The following CLCA2 variants were observed in gnomAD, a reference collection of about 807,000 sequenced individuals.
CLCA2 encodes the protein chloride channel accessory 2, also known as calcium-activated chloride channel regulator 2.
CLCA2 carries 85 observed loss-of-function variants against 82.9 expected under a neutral mutation model. That is an observed-to-expected ratio of 1.03 (90% CI 0.86 to 1.23). CLCA2 has a LOEUF of 1.23. Ranked by LOEUF, CLCA2 falls within the 50% of genes most tolerant of loss-of-function variation. The probability of loss-of-function intolerance (pLI) is 0.00; values close to 1 mark genes in which losing one functional copy is unlikely to be tolerated. For synonymous variants in CLCA2, 421 were observed against 391.7 expected (o/e 1.07, Z -0.88); for missense variants, 1,089 against 1,124.8 (o/e 0.97, Z 0.45).
In CLCA2 at chr1:86,425,423, G is replaced by A. The variant is rs946039768; in HGVS notation, c.271G>A (p.Ala91Thr). The change falls in exon 2 of 14, where the codon GCC (alanine) becomes ACC (threonine). Residue 91 changes from alanine (A) to threonine (T), a missense_variant. Coordinates refer to ENST00000370565, the MANE Select transcript of CLCA2 (RefSeq NM_006536.7). The stretch of plus-strand genomic sequence containing the variant: ...CAGAAATATAAAGATTTTAATACCT[G>A]CCACATGGAAAGCTAATAATAACAG... ...FFRNIKILIPATWKANNNSKI... is the reference protein window; with the variant it reads ...FFRNIKILIPTTWKANNNSKI... The A allele has an allele frequency of 4.5e-6, 7 of 1,567,822 alleles. No individual in the cohort carries two copies. In the African/African-American group the frequency reaches 6.8e-5, roughly 15 times the overall value.
chr1:86,453,614 C>T lies in CLCA2; in HGVS notation c.2389+12C>T. On this transcript the variant is annotated intron_variant, in intron 13 of 13. Coordinates refer to ENST00000370565, the MANE Select transcript of CLCA2 (RefSeq NM_006536.7). The stretch of plus-strand genomic sequence containing the variant: ...TGATCAGGGCCAGGGTAGGTTTGCT[C>T]ATTTCATTACCTATTTTTCCATAAG... The T allele has an allele frequency of 6.2e-7, 1 of 1,602,330 alleles. No homozygotes were observed. The highest frequency in any genetic ancestry group is 8.5e-7 in the Non-Finnish European group (1 of 1,171,146).
chr1:86,433,440 T>C lies in CLCA2; in HGVS notation c.744+912T>C, dbSNP rs555143088. The stretch of plus-strand genomic sequence containing the variant: ...TGGTTTTAGTCAGGACTAGAAGTTA[T>C]TTTGTAACTTTAAGACAATTTTTCA... On this transcript the variant is annotated intron_variant, in intron 5 of 13. Coordinates refer to ENST00000370565, the MANE Select transcript of CLCA2 (RefSeq NM_006536.7). Among the ~76,000 whole-genome samples the C allele has an allele frequency of 5.3e-5, 8 of 152,322 alleles. No individual in the cohort carries two copies. In the South Asian group the frequency reaches 6.2e-4, roughly 12 times the overall value.
At chr1:86,451,779 T>C (rs1662972714) in intron 12 of CLCA2, among the ~76,000 whole-genome samples, 1 of 152,140 alleles carries the variant, frequency 6.6e-6, no homozygotes, top group Non-Finnish European at 1.5e-5. Context: ...CTCAGTTTCA[T>C]CATCTAAAAA....
chr1:86,439,202 G>A, intron 7 of CLCA2, 96 bp downstream of exon 7: 1 of 1,141,884 alleles, frequency 8.8e-7, no homozygotes, highest in Non-Finnish European at 1.3e-6. Flanking sequence ...TTTGTTACAG[G>A]GTGGTCATAA....
At chr1:86,448,257 C>G (rs1217842309) in intron 11 of CLCA2, 1 of 163,804 alleles carries the variant, frequency 6.1e-6, no homozygotes, top group African/African-American at 2.4e-5. Flanking sequence ...AACTTGTGAC[C>G]TATAAGATGA....
In CLCA2 at chr1:86,438,937, T is replaced by G; in HGVS notation, c.1034T>G (p.Ile345Ser). Residue 345 changes from isoleucine to serine, a missense_variant, in exon 7 of 14, where the codon ATT becomes AGT. Transcript: ENST00000370565. ...TTTTATTTGATGCAGATTGTTGAAA[T>G]TCATACCTTCGTGGGCATTGCCAGT... ...AEFYLMQIVEIHTFVGIASFD... is the reference protein window; with the variant it reads ...AEFYLMQIVESHTFVGIASFD... The G allele has an allele frequency of 1.9e-6, 3 of 1,614,164 alleles. No homozygotes were observed. Among genetic ancestry groups the G allele is most frequent in the Non-Finnish European group, 2.5e-6 (3 of 1,180,006 alleles).
At chr1:86,430,588 A>G (rs1235920641) in intron 3 of CLCA2, among the ~76,000 whole-genome samples, 1 of 152,168 alleles carries the variant, frequency 6.6e-6, no homozygotes, top group Admixed American at 6.5e-5. Context: ...ATGTGGGACT[A>G]CTCACTAGCT....
At chr1:86,451,269 T>C (rs1662956765) in intron 12 of CLCA2, among the ~76,000 whole-genome samples, 1 of 152,146 alleles carries the variant, frequency 6.6e-6, no homozygotes, top group Non-Finnish European at 1.5e-5. Flanking sequence ...TTAACACCAT[T>C]ATAATAGTTC....
chr1:86,447,480 T>C lies in CLCA2; in HGVS notation c.1714-28T>C, dbSNP rs1662875123. ...TTAGGGTTGATTTTTTTTTCACACT[T>C]TCCAAAACAATAAGACTTGTTTTAC... On this transcript the variant is annotated intron_variant, in intron 10 of 13. Transcript: ENST00000370565. The C allele has an allele frequency of 2.5e-6, 4 of 1,595,944 alleles. No individual in the cohort carries two copies. The Admixed American group carries it at 6.9e-5, about 28-fold the overall frequency.
intron 5 of CLCA2, among the ~76,000 whole-genome samples, chr1:86,433,338 A>G (rs1334149): frequency 0.15 from 23,321 of 152,124 alleles, 1,993 homozygotes; most frequent in African/African-American, 0.16. Context: ...CAGCCCACAC[A>G]TGCCTCTGTG....
At chr1:86,444,318 A>C (rs777275864) in intron 10 of CLCA2, among the ~76,000 whole-genome samples, 1 of 152,174 alleles carries the variant, frequency 6.6e-6, no homozygotes, top group African/African-American at 2.4e-5. Flanking sequence ...ACACTTTTCT[A>C]TATGCTTAGA....
In CLCA2 at chr1:86,429,650, C is replaced by T. The variant is rs116728994; in HGVS notation, c.475+1082C>T. 2.1e-3 allele frequency among the ~76,000 whole-genome samples: 325 copies of T among 152,202 alleles called. 1 individual carries two copies. The highest frequency in any genetic ancestry group is 0.017 in the Middle Eastern group (5 of 292). ...GAGGGAGAAAATAGTAAGCACAGTT[C>T]GCCAGTCAAGGACTATCTATCCCAA... On this transcript the variant is annotated intron_variant, in intron 3 of 13. Transcript: ENST00000370565.
chr1:86,430,583 G>T (rs572983379), intron 3 of CLCA2, among the ~76,000 whole-genome samples: 1 of 151,960 alleles, frequency 6.6e-6, no homozygotes, highest in Non-Finnish European at 1.5e-5. Flanking sequence ...AGAGGATGTG[G>T]GACTACTCAC....
At chr1:86,445,556 G>A (rs1662835460) in intron 10 of CLCA2, 1 of 151,760 alleles carries the variant, frequency 6.6e-6, no homozygotes, top group Admixed American at 6.6e-5. Context: ...AATATGACAA[G>A]AAAAGACAAC....
rs140655465 is a variant in CLCA2 at position 86,430,717 on chromosome 1, G to A, written c.476-145G>A. 459 of 671,544 alleles carry A rather than the reference G, an allele frequency of 6.8e-4. 1 individual carries two copies. The African/African-American group carries it at 7.4e-3, about 11-fold the overall frequency. The allele number at this position is 671,544 out of a possible 1,614,324, so 41.6% of individuals were successfully genotyped here. ...GGAGATGGGAATAGGATAGGGGAGA[G>A]GAAAAGGGGAGAGAGGGAAGTAACT... On this transcript the variant is annotated intron_variant, in intron 3 of 13. Transcript: ENST00000370565.
intron 7 of CLCA2, 74 bp from the exon 8 acceptor site, chr1:86,440,074 G>A: frequency 6.9e-7 from 1 of 1,455,844 alleles, no homozygotes; most frequent in Non-Finnish European, 9.5e-7. Flanking sequence ...GAATTTGGAT[G>A]AGAGTGAATT....
At chr1:86,429,289 T>C (rs890143905) in intron 3 of CLCA2, among the ~76,000 whole-genome samples, 4 of 152,164 alleles carry the variant, frequency 2.6e-5, no homozygotes, top group Non-Finnish European at 5.9e-5. Flanking sequence ...GGTTTCCTTT[T>C]CAAATGTTAT....
At chr1:86,424,455 G>A in intron 1 of CLCA2, 22 bp downstream of exon 1, 2 of 1,589,278 alleles carry the variant, frequency 1.3e-6, no homozygotes, top group Non-Finnish European at 1.7e-6. Context: ...TTATGAAATT[G>A]ATACTAGCAT....
chr1:86,448,006 G>T (rs1364904313), intron 11 of CLCA2: 1 of 553,242 alleles, frequency 1.8e-6, no homozygotes. Flanking sequence ...TTTGAGCAAA[G>T]GGTGGGAGGC....
Sources: allele counts gnomAD v4.1 joint callset (sites outside exome capture counted in the v4.1 genomes callset), GRCh38; gene constraint gnomAD v4.1.1; transcripts MANE v1.5; gene names NCBI Gene and HGNC (gene_info 2026-07-23, HGNC 2026-07-21).